Variants in ATP9A observed in about 807,000 individuals in gnomAD.
ATP9A encodes the protein ATPase phospholipid transporting 9A.
ATP9A carries 52 observed loss-of-function variants against 144.1 expected under a neutral mutation model. That is an observed-to-expected ratio of 0.36 (90% CI 0.29 to 0.45). ATP9A has a LOEUF of 0.45. Among genes scored for constraint, ATP9A ranks in the 20% least tolerant of loss-of-function variants. The pLI is 1.00. For synonymous variants in ATP9A, 582 were observed against 557.4 expected (o/e 1.04, Z -0.62); for missense variants, 947 against 1,392.7 (o/e 0.68, Z 5.09).
chr20:51,698,262 A>G (rs942391839), intron 4 of ATP9A, among the ~76,000 whole-genome samples: 4 of 152,234 alleles, frequency 2.6e-5, no homozygotes, highest in Non-Finnish European at 4.4e-5. Flanking sequence ...AGTGGCTCAC[A>G]TCTGTAGTCC....
chr20:51,759,515 C>A (rs911970067), intron 1 of ATP9A, among the ~76,000 whole-genome samples: 1 of 152,010 alleles, frequency 6.6e-6, no homozygotes, highest in South Asian at 2.1e-4. Flanking sequence ...TCTACTAAAA[C>A]CACAAAAATT....
At chr20:51,659,651 G>T (rs1029105361) in intron 13 of ATP9A, among the ~76,000 whole-genome samples, 2 of 152,128 alleles carry the variant, frequency 1.3e-5, no homozygotes, top group Non-Finnish European at 2.9e-5. Flanking sequence ...TTATCCAACA[G>T]GAGAGAAGTG....
At chr20:51,759,581 G>C (rs113424738) in intron 1 of ATP9A, among the ~76,000 whole-genome samples, 1 of 152,112 alleles carries the variant, frequency 6.6e-6, no homozygotes, top group Non-Finnish European at 1.5e-5. Context: ...GCTGAGGCAA[G>C]AGAATCGCTT....
intron 9 of ATP9A, among the ~76,000 whole-genome samples, chr20:51,688,275 T>C (rs2077532218): frequency 6.6e-6 from 1 of 152,202 alleles, no homozygotes; most frequent in African/African-American, 2.4e-5. Flanking sequence ...CATGCAGTCC[T>C]GATCAGTGTC....
chr20:51,662,306 G>A (rs1402332076), intron 13 of ATP9A, among the ~76,000 whole-genome samples: 5 of 152,292 alleles, frequency 3.3e-5, no homozygotes, highest in Non-Finnish European at 1.5e-5. Context: ...CCAGCACTTT[G>A]GGGGAAGACG....
chr20:51,719,436 TA>T (rs2077678405), intron 3 of ATP9A, among the ~76,000 whole-genome samples: 1 of 152,048 alleles, frequency 6.6e-6, no homozygotes, highest in Non-Finnish European at 1.5e-5. Flanking sequence ...ATTTTTTTCC[TA>T]AAAAGAAGAA....
intron 1 of ATP9A, among the ~76,000 whole-genome samples, chr20:51,747,699 C>T (rs1228701249): frequency 6.6e-6 from 1 of 152,182 alleles, no homozygotes; most frequent in Non-Finnish European, 1.5e-5. Flanking sequence ...GTTTCTCCAT[C>T]TCTGAGTCTT....
intron 1 of ATP9A, among the ~76,000 whole-genome samples, chr20:51,731,318 A>T (rs13038908): frequency 0.018 from 2,765 of 152,106 alleles, 42 homozygotes; most frequent in Non-Finnish European, 0.029. Flanking sequence ...AATAAATAAA[A>T]ATAATAATAA....
chr20:51,698,549 T>C (rs2077579966), intron 4 of ATP9A, among the ~76,000 whole-genome samples: 1 of 152,178 alleles, frequency 6.6e-6, no homozygotes, highest in African/African-American at 2.4e-5. Context: ...GAACGCCTGC[T>C]GTATGCCAGG....
At chr20:51,652,648 C>T (rs114861106) in intron 14 of ATP9A, among the ~76,000 whole-genome samples, 181 of 152,278 alleles carry the variant, frequency 1.2e-3, no homozygotes, top group African/African-American at 4.1e-3. Flanking sequence ...TGGCAGTAGG[C>T]GGCCTCTGAA....
chr20:51,616,791 G>C (rs1210429907), intron 22 of ATP9A, among the ~76,000 whole-genome samples: 1 of 152,138 alleles, frequency 6.6e-6, no homozygotes, highest in Non-Finnish European at 1.5e-5. Flanking sequence ...ACCTGCCAAG[G>C]CCTTTTGGTG....
At chr20:51,753,179 TG>T (rs2077840090) in intron 1 of ATP9A, among the ~76,000 whole-genome samples, 1 of 152,106 alleles carries the variant, frequency 6.6e-6, no homozygotes, top group Non-Finnish European at 1.5e-5. Flanking sequence ...CAAATCAACT[TG>T]TGAGACTATA....
chr20:51,721,662 G>C (rs539276454), intron 3 of ATP9A, among the ~76,000 whole-genome samples: 1 of 151,700 alleles, frequency 6.6e-6, no homozygotes, highest in African/African-American at 2.4e-5. Flanking sequence ...TTAGCCAGGC[G>C]TGGTGGCAGG....
intron 1 of ATP9A, among the ~76,000 whole-genome samples, chr20:51,735,523 C>T (rs541090366): frequency 6.6e-6 from 1 of 152,324 alleles, no homozygotes; most frequent in Admixed American, 6.5e-5. Context: ...TTATTAAGCG[C>T]TTACCCGGTA....
At chr20:51,753,551 AAAC>A (rs2077842416) in intron 1 of ATP9A, among the ~76,000 whole-genome samples, 1 of 152,208 alleles carries the variant, frequency 6.6e-6, no homozygotes, top group Non-Finnish European at 1.5e-5. Context: ...AACAGGAAGA[AAAC>A]ATCATCTGCT....
chr20:51,762,763 G>A (rs1022994978), intron 1 of ATP9A, among the ~76,000 whole-genome samples: 5 of 141,786 alleles, frequency 3.5e-5, no homozygotes, highest in Non-Finnish European at 7.5e-5. Context: ...AGGCTGGAGT[G>A]CAGCGGTATG....
chr20:51,752,276 T>C (rs997308238), intron 1 of ATP9A, among the ~76,000 whole-genome samples: 1 of 152,140 alleles, frequency 6.6e-6, no homozygotes, highest in Non-Finnish European at 1.5e-5. Context: ...TATTGGACGA[T>C]GCCATTAAGA....
chr20:51,683,251 C>G (rs943135182), intron 9 of ATP9A, among the ~76,000 whole-genome samples: 1 of 151,804 alleles, frequency 6.6e-6, no homozygotes, highest in Admixed American at 6.6e-5. Flanking sequence ...AACACCTGGA[C>G]GTTTGTTTGT....
intron 1 of ATP9A, among the ~76,000 whole-genome samples, chr20:51,763,825 CAA>C (rs1292110871): frequency 2.0e-5 from 3 of 152,148 alleles, no homozygotes; most frequent in African/African-American, 7.2e-5. Flanking sequence ...TACAATGAGG[CAA>C]AGTCTTGGGC....
Sources: gnomAD v4.1 joint callset for allele counts (sites outside exome capture counted in the v4.1 genomes callset) on GRCh38, gnomAD v4.1.1 for gene constraint, MANE v1.5 for transcripts, NCBI Gene and HGNC (gene_info 2026-07-23, HGNC 2026-07-21) for gene names.